The following DCLK2 variants were observed in gnomAD, a reference collection of about 807,000 sequenced individuals.
DCLK2 encodes serine/threonine-protein kinase DCLK2.
Under a neutral mutation model 78.4 loss-of-function variants are expected in DCLK2, and 31 were observed. The ratio of observed to expected loss-of-function variants is 0.40; its 90% CI spans 0.30 to 0.53. DCLK2 has a LOEUF of 0.53. Among genes scored for constraint, DCLK2 ranks in the 20% least tolerant of loss-of-function variants. The probability of loss-of-function intolerance (pLI) is 0.61; values close to 1 mark genes in which losing one functional copy is unlikely to be tolerated. For missense variants in DCLK2, 872 were observed against 973.7 expected, an observed-to-expected ratio of 0.90 and a Z score of 1.39; for synonymous variants, 407 against 374.9, an observed-to-expected ratio of 1.09 and a Z score of -0.99.
At chr4:150,216,611 C>T (rs1740739076) in intron 5 of DCLK2, among the ~76,000 whole-genome samples, 1 of 152,142 alleles carries the variant, frequency 6.6e-6, no homozygotes, top group Non-Finnish European at 1.5e-5. Flanking sequence ...TACACTCCAG[C>T]CTGGGTGACA....
In DCLK2 at chr4:150,213,816, C is replaced by A. The variant is rs567651632; in HGVS notation, c.1057-6887C>A. ...AGCAAGTCTAGAATTAGGTGACTTC[C>A]TTTAGTTGGTTCAATAGCCTTGCAG... On this transcript the variant is annotated intron_variant, in intron 5 of 15. Coordinates refer to ENST00000296550, the MANE Select transcript of DCLK2 (RefSeq NM_001040260.4). Among the ~76,000 whole-genome samples, 3 of 152,238 alleles carry A rather than the reference C, an allele frequency of 2.0e-5. No individual in the cohort carries two copies. In the South Asian group the frequency reaches 6.2e-4, roughly 32 times the overall value.
chr4:150,246,720 C>T (rs548543743), intron 12 of DCLK2, among the ~76,000 whole-genome samples: 38 of 152,268 alleles, frequency 2.5e-4, no homozygotes, highest in Middle Eastern at 3.4e-3. Context: ...AGGTTGGGGA[C>T]GTCTTCCCCA....
In DCLK2 at chr4:150,256,996, CGT is replaced by C. The variant is rs1350528389; in HGVS notation, c.*754_*755del. 6.6e-6 allele frequency: 1 copy of C among 152,234 alleles called. No homozygotes were observed. Among genetic ancestry groups the C allele is most frequent in the Non-Finnish European group, 1.5e-5 (1 of 68,076 alleles). The allele number at this position is 152,234 out of a possible 1,614,324, so 9.4% of individuals were successfully genotyped here. ...TGGGTTTCCCCCAGCTCTTCCCACA[CGT>C]GTGTTAGGAAATGCCCGTGAACTTG... On this transcript the variant is annotated 3_prime_UTR_variant, in exon 16 of 16. Coordinates refer to ENST00000296550, the MANE Select transcript of DCLK2 (RefSeq NM_001040260.4).
At chr4:150,163,184 G>A (rs1000441387) in intron 2 of DCLK2, among the ~76,000 whole-genome samples, 1 of 152,090 alleles carries the variant, frequency 6.6e-6, no homozygotes, top group African/African-American at 2.4e-5. Flanking sequence ...GATCTCCTGA[G>A]GTCAGGAGTT....
chr4:150,207,312 A>G (rs1469979689), intron 5 of DCLK2, among the ~76,000 whole-genome samples: 1 of 152,174 alleles, frequency 6.6e-6, no homozygotes, highest in Non-Finnish European at 1.5e-5. Context: ...TTCACTAGGG[A>G]ACTAAATAAG....
chr4:150,187,730 A>G (rs557511575), intron 2 of DCLK2, among the ~76,000 whole-genome samples: 1 of 152,244 alleles, frequency 6.6e-6, no homozygotes, highest in East Asian at 1.9e-4. Flanking sequence ...GTGGAGGCTG[A>G]AGTTGTTTAA....
In DCLK2 at chr4:150,175,117, T is replaced by TATATA. The variant is rs1491141894; in HGVS notation, c.757-18021_757-18020insATATA. Among the ~76,000 whole-genome samples, 28 of 69,360 alleles carry TATATA rather than the reference T, an allele frequency of 4.0e-4. 6 individuals carry two copies. The highest frequency in any genetic ancestry group is 2.0e-3 in the African/African-American group (24 of 12,110). The allele number at this position is 69,360 out of a possible 152,430, so 45.5% of individuals were successfully genotyped here. On this transcript the variant is annotated intron_variant, in intron 2 of 15. Transcript: ENST00000296550. ...ATTTATATATATTTATATATTTATA[T>TATATA]TTTTTATATATATATAATTTATGTA... is the stretch of plus-strand genomic sequence containing the variant.
At chr4:150,169,193 T>C (rs1736319390) in intron 2 of DCLK2, among the ~76,000 whole-genome samples, 1 of 152,170 alleles carries the variant, frequency 6.6e-6, no homozygotes, top group Admixed American at 6.5e-5. Context: ...GACAAAAATA[T>C]TCCCAACATA....
intron 15 of DCLK2, among the ~76,000 whole-genome samples, chr4:150,250,133 T>A (rs1355574400): frequency 6.6e-6 from 1 of 152,138 alleles, no homozygotes; most frequent in Non-Finnish European, 1.5e-5. Flanking sequence ...TTTTAAAAAA[T>A]CAGTGTTTTA....
chr4:150,134,844 G>T (rs1466389058), intron 2 of DCLK2, among the ~76,000 whole-genome samples: 1 of 151,870 alleles, frequency 6.6e-6, no homozygotes, highest in African/African-American at 2.4e-5. Context: ...TTGTTTGTTT[G>T]TTTTTTTGAG....
At position 150,102,673 on chromosome 4, in the gene DCLK2, T is replaced by C; in HGVS notation, c.617T>C (p.Val206Ala). Residue 206 changes from valine (V) to alanine (A), a missense_variant, in exon 2 of 16, where the codon GTG becomes GCG. By Grantham distance (64) the Val-to-Ala change is moderately conservative. Transcript: ENST00000296550. ...TTAGTGACTGTGATTCGAAGTGGAG[T>C]GAAGCCTAGAAAAGCCGTGCGGATC... ...PKLVTVIRSGVKPRKAVRILL... is the reference protein window; with the variant it reads ...PKLVTVIRSGAKPRKAVRILL... 1.2e-6 allele frequency: 2 copies of C among 1,613,980 alleles called. No homozygotes were observed. The highest frequency in any genetic ancestry group is 1.1e-5 in the South Asian group (1 of 91,074).
At chr4:150,149,988 A>AT (rs1023357052) in intron 2 of DCLK2, among the ~76,000 whole-genome samples, 2 of 152,222 alleles carry the variant, frequency 1.3e-5, no homozygotes, top group Non-Finnish European at 2.9e-5. Context: ...TTCAAAGAGC[A>AT]TTTTGACAAA....
At chr4:150,162,987 T>G (rs1311030397) in intron 2 of DCLK2, among the ~76,000 whole-genome samples, 1 of 152,212 alleles carries the variant, frequency 6.6e-6, no homozygotes, top group Non-Finnish European at 1.5e-5. Context: ...TTGTTGGTAC[T>G]GAGAATTGAC....
chr4:150,123,764 G>A (rs1732732712), intron 2 of DCLK2, among the ~76,000 whole-genome samples: 1 of 152,146 alleles, frequency 6.6e-6, no homozygotes, highest in Admixed American at 6.5e-5. Context: ...ACGTTGGACT[G>A]GGTGTGGTGG....
In DCLK2 at chr4:150,203,788, T is replaced by C; in HGVS notation, c.962-7T>C. 6.2e-7 allele frequency: 1 copy of C among 1,610,950 alleles called. No individual in the cohort carries two copies. On this transcript the variant is annotated splice_polypyrimidine_tract_variant and splice_region_variant and intron_variant, in intron 4 of 15. Transcript: ENST00000296550. ...GACTTCTGTCTTCTTTGTTGTCTCA[T>C]GGGCAGTTAATGGAACTCCCAGCAG...
At chr4:150,126,912 T>A in intron 2 of DCLK2, among the ~76,000 whole-genome samples, 1 of 152,200 alleles carries the variant, frequency 6.6e-6, no homozygotes, top group East Asian at 1.9e-4. Context: ...TTGTAACAGT[T>A]CCTTTGTCTG....
Position 150,079,433 on chromosome 4 carries a change from G to T in DCLK2, c.406G>T (p.Asp136Tyr). The T allele has an allele frequency of 6.5e-7, 1 of 1,531,438 alleles. No homozygotes were observed. Among genetic ancestry groups the T allele is most frequent in the Non-Finnish European group, 8.8e-7 (1 of 1,134,398 alleles). The allele number at this position is 1,531,438 out of a possible 1,614,324, so 94.9% of individuals were successfully genotyped here. A position where few individuals can be genotyped will look rare whatever the true frequency, so the allele number is the denominator to read the frequency against. Residue 136 changes from aspartate (D) to tyrosine (Y), a missense_variant, in exon 1 of 16, where the codon GAC (aspartate) becomes TAC (tyrosine). Asp to Tyr is a radical substitution (Grantham distance 160). Transcript: ENST00000296550. ...IDGSRKVTSL[D>Y]ELLEGESYVC... ...CGGCAGCCGGAAGGTCACCAGCCTGGACGAGCTGCTGGAAGGTAGGAGGGG... is the reference window on the plus strand; with the variant it reads ...CGGCAGCCGGAAGGTCACCAGCCTGTACGAGCTGCTGGAAGGTAGGAGGGG...
At chr4:150,159,104 C>T (rs1382781554) in intron 2 of DCLK2, among the ~76,000 whole-genome samples, 1 of 152,112 alleles carries the variant, frequency 6.6e-6, no homozygotes, top group African/African-American at 2.4e-5. Context: ...ACAAAGTGAG[C>T]AGGAGTGTGA....
intron 3 of DCLK2, among the ~76,000 whole-genome samples, chr4:150,196,844 T>C (rs1739075009): frequency 6.6e-6 from 1 of 152,190 alleles, no homozygotes; most frequent in South Asian, 2.1e-4. Context: ...TGGTGATTTA[T>C]GGAAAGAACA....
Sources: gnomAD v4.1 joint callset for allele counts (sites outside exome capture counted in the v4.1 genomes callset) on GRCh38, gnomAD v4.1.1 for gene constraint, MANE v1.5 for transcripts, NCBI Gene and HGNC (gene_info 2026-07-23, HGNC 2026-07-21) for gene names.